LRP1B: variants seen among roughly 807,000 people sequenced by gnomAD.
LRP1B encodes the protein low-density lipoprotein receptor-related protein 1B.
Under a neutral mutation model 556.6 loss-of-function variants are expected in LRP1B, and 217 were observed. That is an observed-to-expected ratio of 0.39 (90% CI 0.35 to 0.44). The LOEUF (loss-of-function observed/expected upper bound fraction) is 0.44. Among genes scored for constraint, LRP1B ranks in the 20% least tolerant of loss-of-function variants. The pLI, the probability that LRP1B is intolerant of heterozygous loss-of-function variation, is 1.00. For synonymous variants in LRP1B, 2,047 were observed against 1,865.8 expected (o/e 1.10, Z -2.50); for missense variants, 5,053 against 5,620.8 (o/e 0.90, Z 3.23).
intron 58 of LRP1B, among the ~76,000 whole-genome samples, chr2:140,485,847 A>ACACACACACG (rs1558915477): frequency 7.9e-4 from 2 of 2,538 alleles, no homozygotes; most frequent in African/African-American, 1.3e-3. Flanking sequence ...TCACGCACAT[A>ACACACACACG]CACACACACA....
At chr2:141,060,553 A>G (rs1489537409) in intron 8 of LRP1B, among the ~76,000 whole-genome samples, 2 of 151,808 alleles carry the variant, frequency 1.3e-5, no homozygotes, top group Non-Finnish European at 2.9e-5. Context: ...GTTTTGCTCA[A>G]AGTTTGGGGC....
intron 21 of LRP1B, among the ~76,000 whole-genome samples, chr2:140,908,450 T>C (rs111537715): frequency 0.04 from 6,075 of 150,182 alleles, 197 homozygotes; most frequent in South Asian, 0.096. Flanking sequence ...AAAAGCAAAC[T>C]TTAAAGATAC....
At chr2:140,754,818 G>C (rs1056269467) in intron 35 of LRP1B, among the ~76,000 whole-genome samples, 1 of 149,094 alleles carries the variant, frequency 6.7e-6, no homozygotes, top group African/African-American at 2.5e-5. Flanking sequence ...ATAAAGATTA[G>C]AGTGAAATTT....
intron 17 of LRP1B, among the ~76,000 whole-genome samples, chr2:140,984,898 T>C (rs1038853314): frequency 6.6e-6 from 1 of 152,144 alleles, no homozygotes; most frequent in Admixed American, 6.6e-5. Context: ...TTTATCTATA[T>C]GATATAATCA....
At chr2:141,003,194 C>T (rs1037044802) in intron 15 of LRP1B, among the ~76,000 whole-genome samples, 4 of 151,748 alleles carry the variant, frequency 2.6e-5, no homozygotes, top group African/African-American at 9.7e-5. Context: ...CAAATATCAA[C>T]TAAAAAGAAA....
intron 20 of LRP1B, among the ~76,000 whole-genome samples, chr2:140,944,153 CA>C (rs1695477863): frequency 6.6e-6 from 1 of 151,948 alleles, no homozygotes; most frequent in Admixed American, 6.6e-5. Context: ...TCTGTGTGTA[CA>C]AACTAGAAAA....
At chr2:141,324,666 T>C (rs930239557) in intron 3 of LRP1B, among the ~76,000 whole-genome samples, 1 of 152,102 alleles carries the variant, frequency 6.6e-6, no homozygotes, top group African/African-American at 2.4e-5. Flanking sequence ...GCTACTAAAT[T>C]ACTGATTCGA....
intron 2 of LRP1B, among the ~76,000 whole-genome samples, chr2:141,654,705 C>T (rs1324335351): frequency 6.6e-6 from 1 of 152,046 alleles, no homozygotes; most frequent in Non-Finnish European, 1.5e-5. Flanking sequence ...CAAAATGCAC[C>T]CAAATTTGAA....
At chr2:141,274,495 G>A (rs1685208690) in intron 3 of LRP1B, among the ~76,000 whole-genome samples, 1 of 152,130 alleles carries the variant, frequency 6.6e-6, no homozygotes, top group Non-Finnish European at 1.5e-5. Flanking sequence ...AATTATCCAG[G>A]ATAGACAAAG....
chr2:140,314,395 T>C (rs1005140068), intron 83 of LRP1B, among the ~76,000 whole-genome samples: 1 of 152,056 alleles, frequency 6.6e-6, no homozygotes, highest in Non-Finnish European at 1.5e-5. Context: ...ATTGCATAAA[T>C]TAATAATAAT....
At chr2:140,351,719 A>G (rs1011413758) in intron 76 of LRP1B, among the ~76,000 whole-genome samples, 12 of 152,062 alleles carry the variant, frequency 7.9e-5, no homozygotes, top group African/African-American at 2.2e-4. Flanking sequence ...ACGAAGCCCT[A>G]AAGAGATGTT....
intron 7 of LRP1B, among the ~76,000 whole-genome samples, chr2:141,119,659 G>A (rs1700995773): frequency 6.6e-6 from 1 of 151,644 alleles, no homozygotes; most frequent in African/African-American, 2.4e-5. Context: ...AATAACTAAT[G>A]CATGTCTTGA....
At chr2:140,626,143 G>A (rs916363142) in intron 41 of LRP1B, among the ~76,000 whole-genome samples, 2 of 152,140 alleles carry the variant, frequency 1.3e-5, no homozygotes, top group African/African-American at 2.4e-5. Context: ...CATACTATTT[G>A]ATTCCATATA....
At chr2:141,081,695 T>C (rs1352397531) in intron 7 of LRP1B, among the ~76,000 whole-genome samples, 2 of 45,118 alleles carry the variant, frequency 4.4e-5, no homozygotes, top group African/African-American at 1.1e-4. Context: ...ATAAACTCTA[T>C]TAATAGAAAA....
chr2:140,530,436 A>T (rs1047438565), intron 47 of LRP1B, among the ~76,000 whole-genome samples: 2 of 152,096 alleles, frequency 1.3e-5, no homozygotes, highest in Non-Finnish European at 2.9e-5. Context: ...TGGTGGAAAC[A>T]CATTTGCATA....
At chr2:141,584,484 C>T (rs1687061500) in intron 2 of LRP1B, among the ~76,000 whole-genome samples, 1 of 152,028 alleles carries the variant, frequency 6.6e-6, no homozygotes, top group Admixed American at 6.6e-5. Context: ...CCTATTTTAG[C>T]CACAAGAAAT....
chr2:141,305,711 C>A, intron 3 of LRP1B, among the ~76,000 whole-genome samples: 1 of 152,106 alleles, frequency 6.6e-6, no homozygotes, highest in East Asian at 1.9e-4. Flanking sequence ...TTCAGTCTGA[C>A]GTTAGCTCTG....
chr2:141,840,943 A>AC (rs1697450031), intron 1 of LRP1B, among the ~76,000 whole-genome samples: 1 of 151,494 alleles, frequency 6.6e-6, no homozygotes, highest in African/African-American at 2.4e-5. Context: ...AAAAAAAAAA[A>AC]AACCGTGGTG....
intron 3 of LRP1B, among the ~76,000 whole-genome samples, chr2:141,429,672 T>C (rs1680494159): frequency 6.6e-6 from 1 of 152,086 alleles, no homozygotes; most frequent in East Asian, 1.9e-4. Flanking sequence ...CCCCAGTGTG[T>C]GTTGTTCCTC....
Sources: allele counts gnomAD v4.1 joint callset (sites outside exome capture counted in the v4.1 genomes callset), GRCh38; gene constraint gnomAD v4.1.1; transcripts MANE v1.5; gene names NCBI Gene and HGNC (gene_info 2026-07-23, HGNC 2026-07-21).